Variants in SSBP3 observed in about 807,000 individuals in gnomAD.
SSBP3 encodes single-stranded DNA-binding protein 3.
Under a neutral mutation model 69.6 loss-of-function variants are expected in SSBP3, and 5 were observed. That is an observed-to-expected ratio of 0.07 (90% confidence interval 0.04 to 0.15). The LOEUF is 0.15. Among genes scored for constraint, SSBP3 ranks in the 10% least tolerant of loss-of-function variants. The pLI is 1.00. For missense variants in SSBP3, 312 were observed against 534.0 expected, an observed-to-expected ratio of 0.58 and a Z score of 4.10; for synonymous variants, 196 against 193.4, an observed-to-expected ratio of 1.01 and a Z score of -0.11.
chr1:54,401,818 C>A (rs1422757399), intron 4 of SSBP3, 43 bp downstream of exon 4: 2 of 1,552,524 alleles, frequency 1.3e-6, no homozygotes, highest in Admixed American at 3.4e-5. Context: ...TTAGAGCTAT[C>A]CAACCCTATA....
intron 5 of SSBP3, among the ~76,000 whole-genome samples, chr1:54,270,492 G>A (rs559700011): frequency 2.6e-5 from 4 of 152,342 alleles, no homozygotes; most frequent in South Asian, 2.1e-4. Flanking sequence ...GTGCTTAGGT[G>A]TGTCAAATAT....
chr1:54,242,623 C>T (rs1557452331), intron 10 of SSBP3, among the ~76,000 whole-genome samples: 1 of 152,092 alleles, frequency 6.6e-6, no homozygotes, highest in East Asian at 1.9e-4. Flanking sequence ...CTCTCTGTGC[C>T]TTGGTGACCT....
chr1:54,239,972 A>G (rs2100630631), intron 13 of SSBP3, among the ~76,000 whole-genome samples: 1 of 151,612 alleles, frequency 6.6e-6, no homozygotes, highest in South Asian at 2.1e-4. Flanking sequence ...TGGGGTGGGT[A>G]AGGATCGTAT....
chr1:54,406,528 C>T (rs1170905740), upstream of SSBP3: 1 of 152,148 alleles, frequency 6.6e-6, no homozygotes, highest in Admixed American at 6.6e-5. Flanking sequence ...GACGCCCTGA[C>T]AGCGCCGGCC....
At chr1:54,234,070 CAT>C (rs1274467724) in intron 14 of SSBP3, among the ~76,000 whole-genome samples, 2 of 151,670 alleles carry the variant, frequency 1.3e-5, no homozygotes, top group African/African-American at 4.8e-5. Flanking sequence ...CTCTCTGAAA[CAT>C]GTGCTGTGTC....
chr1:54,272,663 G>A (rs1434415186), intron 5 of SSBP3, among the ~76,000 whole-genome samples: 1 of 152,150 alleles, frequency 6.6e-6, no homozygotes, highest in Non-Finnish European at 1.5e-5. Context: ...ACCTCGTGGG[G>A]GCAGAGGGAG....
chr1:54,353,944 C>T (rs1646822947), intron 4 of SSBP3, among the ~76,000 whole-genome samples: 1 of 152,140 alleles, frequency 6.6e-6, no homozygotes, highest in Admixed American at 6.5e-5. Flanking sequence ...GAGGAGACTG[C>T]AGCACAGAGG....
intron 7 of SSBP3, among the ~76,000 whole-genome samples, chr1:54,256,062 C>T (rs917298836): frequency 1.6e-4 from 24 of 150,912 alleles, no homozygotes; most frequent in African/African-American, 5.6e-4. Context: ...GGAGACAGAG[C>T]GAGACTCCGG....
intron 4 of SSBP3, among the ~76,000 whole-genome samples, chr1:54,341,267 TCC>T (rs1646601517): frequency 6.6e-6 from 1 of 152,068 alleles, no homozygotes; most frequent in South Asian, 2.1e-4. Context: ...CCTTTCAAGG[TCC>T]CTGCCTGTTC....
At chr1:54,232,429 T>C (rs1385963764) in intron 14 of SSBP3, among the ~76,000 whole-genome samples, 1 of 152,168 alleles carries the variant, frequency 6.6e-6, no homozygotes, top group Non-Finnish European at 1.5e-5. Context: ...GCTTATTATT[T>C]ATGTTTTTTT....
At chr1:54,305,086 G>A (rs1375844237) in intron 4 of SSBP3, among the ~76,000 whole-genome samples, 2 of 152,200 alleles carry the variant, frequency 1.3e-5, no homozygotes, top group Non-Finnish European at 2.9e-5. Flanking sequence ...TATGCCTGGC[G>A]GGAGGCGTGG....
chr1:54,233,618 C>G, intron 14 of SSBP3, among the ~76,000 whole-genome samples: 1 of 149,194 alleles, frequency 6.7e-6, no homozygotes, highest in African/African-American at 2.5e-5. Flanking sequence ...GGCCAGCCGC[C>G]CCGTCCGGGA....
intron 4 of SSBP3, among the ~76,000 whole-genome samples, chr1:54,313,020 CT>C (rs534805502): frequency 0.02 from 2,428 of 121,358 alleles, 56 homozygotes; most frequent in African/African-American, 0.068. Flanking sequence ...GTGCCTGGAG[CT>C]TTTTTTTTTT....
chr1:54,362,957 G>A (rs1646972811), intron 4 of SSBP3, among the ~76,000 whole-genome samples: 1 of 152,138 alleles, frequency 6.6e-6, no homozygotes, highest in East Asian at 1.9e-4. Context: ...ACTGTCTCAC[G>A]GGGGGCGGGG....
Position 54,280,371 on chromosome 1 carries a change from C to T in SSBP3, c.366+1067G>A, listed in dbSNP as rs562545283. Among the ~76,000 whole-genome samples the T allele has an allele frequency of 1.4e-4, 21 of 152,304 alleles. No homozygotes were observed. In the South Asian group the frequency reaches 2.9e-3, roughly 21 times the overall value. On this transcript the variant is annotated intron_variant, in intron 5 of 17. Transcript: ENST00000610401. ...CCCCTGCCTTGATGTGGTGTGAGCA[C>T]AGGTGCTAAATTCTGGCCTATACCA...
intron 4 of SSBP3, among the ~76,000 whole-genome samples, chr1:54,383,825 G>T (rs887599696): frequency 6.6e-6 from 1 of 151,834 alleles, no homozygotes; most frequent in South Asian, 2.1e-4. Context: ...AGCAAGAACC[G>T]GCCGGGCACG....
At chr1:54,410,449 T>G (rs1311976299), upstream of SSBP3, among the ~76,000 whole-genome samples, 1 of 152,208 alleles carries the variant, frequency 6.6e-6, no homozygotes, top group African/African-American at 2.4e-5. Flanking sequence ...TCTCTTTCAG[T>G]GCTCCTCACA....
intron 4 of SSBP3, among the ~76,000 whole-genome samples, chr1:54,356,157 A>G (rs1003879546): frequency 6.6e-6 from 1 of 152,078 alleles, no homozygotes; most frequent in African/African-American, 2.4e-5. Flanking sequence ...ACTTCCCCAT[A>G]ATTTTTAACC....
Position 54,334,806 on chromosome 1 carries a change from C to T in SSBP3, c.277-53279G>A, listed in dbSNP as rs150117684. ...ATGGCCAACTGCTGCCACACAGAGCCGACTGGCAGCTACATTCAAGGGCCA... is the reference window on the plus strand; with the variant it reads ...ATGGCCAACTGCTGCCACACAGAGCTGACTGGCAGCTACATTCAAGGGCCA... On this transcript the variant is annotated intron_variant, in intron 4 of 17. Coordinates refer to ENST00000610401, the Ensembl canonical transcript of SSBP3. 6.6e-3 allele frequency among the ~76,000 whole-genome samples: 1,005 copies of T among 152,294 alleles called. 9 individuals carry two copies. The highest frequency in any genetic ancestry group is 0.023 in the African/African-American group (956 of 41,552).
Sources: gnomAD v4.1 joint callset for allele counts (sites outside exome capture counted in the v4.1 genomes callset) on GRCh38, gnomAD v4.1.1 for gene constraint, MANE v1.5 for transcripts, NCBI Gene and HGNC (gene_info 2026-07-23, HGNC 2026-07-21) for gene names.